Variants in CYLD observed in about 807,000 individuals in gnomAD.
The protein encoded by CYLD is ubiquitin carboxyl-terminal hydrolase CYLD.
In CYLD, 26 loss-of-function variants were observed where a neutral mutation model predicts 104.5. That is an observed-to-expected ratio of 0.25 (90% CI 0.18 to 0.35). The LOEUF is 0.35. Ranked by LOEUF, CYLD falls within the 10% of genes least tolerant of loss-of-function variation. CYLD has a pLI of 1.00. For synonymous variants in CYLD, 385 were observed against 399.9 expected, an observed-to-expected ratio of 0.96 and a Z score of 0.45; for missense variants, 703 against 1,136.1, an observed-to-expected ratio of 0.62 and a Z score of 5.48.
rs752294416 is a variant in CYLD, at chr16:50,751,642, C to T, written c.543C>T (p.Tyr181=). ...GRGQGFTDGV[Y]QGKQLFQCDE... ...GTCAAGGTTTCACTGACGGGGTGTA[C>T]CAAGGGAAACAGCTTTTTCAGTGTG... Residue 181 remains tyrosine, a synonymous_variant, in exon 4 of 19, where the codon TAC becomes TAT. Coordinates refer to ENST00000427738, the MANE Select transcript of CYLD (RefSeq NM_001378743.1). The T allele has an allele frequency of 3.0e-5, 49 of 1,613,492 alleles. No individual in the cohort carries two copies. The highest frequency in any genetic ancestry group is 4.1e-5 in the Non-Finnish European group (48 of 1,179,710).
chr16:50,775,068 A>G, intron 5 of CYLD, 98 bp from the exon 6 acceptor site: 1 of 981,932 alleles, frequency 1.0e-6, no homozygotes, highest in Non-Finnish European at 1.5e-6. Flanking sequence ...TTTTTTAAGA[A>G]AAGTCTTTTC....
chr16:50,761,763 T>TATCTATCTATCTATCTATCTATC (rs1247444102), intron 5 of CYLD, among the ~76,000 whole-genome samples: 2 of 152,138 alleles, frequency 1.3e-5, no homozygotes, highest in African/African-American at 4.8e-5. Context: ...TCTATCTATC[T>TATCTATCTATCTATCTATCTATC]ATCTATCTAT....
At chr16:50,795,792 A>T in intron 18 of CYLD, 1 of 565,986 alleles carries the variant, frequency 1.8e-6, no homozygotes, top group South Asian at 2.2e-5. Context: ...CACTGAGGTA[A>T]CCCAGAGGAG....
At chr16:50,761,509 T>C (rs1967920658) in intron 5 of CYLD, among the ~76,000 whole-genome samples, 1 of 152,236 alleles carries the variant, frequency 6.6e-6, no homozygotes, top group African/African-American at 2.4e-5. Flanking sequence ...CTTATGACTT[T>C]GCTTACTCTG....
At chr16:50,756,343 A>G (rs1381511549) in intron 5 of CYLD, among the ~76,000 whole-genome samples, 1 of 152,228 alleles carries the variant, frequency 6.6e-6, no homozygotes, top group Non-Finnish European at 1.5e-5. Flanking sequence ...GACATTGGTC[A>G]TCTAATCTAA....
At chr16:50,760,853 G>A (rs1479122709) in intron 5 of CYLD, among the ~76,000 whole-genome samples, 1 of 152,054 alleles carries the variant, frequency 6.6e-6, no homozygotes, top group Non-Finnish European at 1.5e-5. Flanking sequence ...CGTTGGTATT[G>A]TTCTGGATAT....
chr16:50,773,084 A>G (rs981515188), intron 5 of CYLD, among the ~76,000 whole-genome samples: 4 of 152,208 alleles, frequency 2.6e-5, no homozygotes. Flanking sequence ...TATTTTCTTC[A>G]CAAGATTTCT....
chr16:50,748,965 G>A (rs2041660166), intron 2 of CYLD, among the ~76,000 whole-genome samples: 2 of 152,224 alleles, frequency 1.3e-5, no homozygotes, highest in South Asian at 4.1e-4. Context: ...GCGTTGGGAG[G>A]CCAAGACAGG....
Position 50,784,471 on chromosome 16 carries a change from C to G in CYLD, c.1949+20C>G, listed in dbSNP as rs746746531. On this transcript the variant is annotated intron_variant, in intron 12 of 18. Coordinates refer to ENST00000427738, the MANE Select transcript of CYLD (RefSeq NM_001378743.1). Reference sequence around the variant, plus strand: ...GAGAATGTAAGTAGAAAACAAATTGCTATTTTGCCTTTACATGGTGTTCTA... The same window carrying G: ...GAGAATGTAAGTAGAAAACAAATTGGTATTTTGCCTTTACATGGTGTTCTA... The G allele has an allele frequency of 6.2e-7, 1 of 1,610,282 alleles. No individual in the cohort carries two copies. Among genetic ancestry groups the G allele is most frequent in the South Asian group, 1.1e-5 (1 of 91,018 alleles).
chr16:50,752,023 G>C (rs1966676546), intron 4 of CYLD, 117 bp downstream of exon 4: 4 of 286,476 alleles, frequency 1.4e-5, no homozygotes, highest in Admixed American at 5.6e-5. Context: ...TATATGTATA[G>C]TTTATATATA....
chr16:50,758,996 T>C (rs767575394), intron 5 of CYLD, among the ~76,000 whole-genome samples: 13 of 152,260 alleles, frequency 8.5e-5, no homozygotes, highest in Admixed American at 4.6e-4. Flanking sequence ...CTCAGCACTT[T>C]AGGAAGCCGA....
In CYLD at chr16:50,800,655, A is replaced by G; in HGVS notation, c.*4147A>G. 4.3e-6 allele frequency: 1 copy of G among 232,756 alleles called. No homozygotes were observed. Among genetic ancestry groups the G allele is most frequent in the Non-Finnish European group, 8.5e-6 (1 of 117,712 alleles). The allele number at this position is 232,756 out of a possible 1,614,324, so 14.4% of individuals were successfully genotyped here. A position where few individuals can be genotyped will look rare whatever the true frequency, so the allele number is the denominator to read the frequency against. On this transcript the variant is annotated 3_prime_UTR_variant, in exon 19 of 19. Coordinates refer to ENST00000427738, the MANE Select transcript of CYLD (RefSeq NM_001378743.1). ...AAAATTCTAAGGCAAAGTTAAAGAA[A>G]AAAATTACATTATTTCTTACCATTT...
At chr16:50,752,691 C>T (rs543377707) in intron 4 of CYLD, among the ~76,000 whole-genome samples, 6 of 152,174 alleles carry the variant, frequency 3.9e-5, no homozygotes, top group Non-Finnish European at 7.4e-5. Flanking sequence ...CCAACCTCTG[C>T]TAACCACAAT....
chr16:50,793,737 C>A, intron 17 of CYLD, 73 bp downstream of exon 17: 2 of 1,019,748 alleles, frequency 2.0e-6, no homozygotes, highest in South Asian at 2.6e-5. Context: ...ACACAATGCT[C>A]GTTTTGGAAA....
At chr16:50,789,204 A>G (rs1189808819) in intron 14 of CYLD, among the ~76,000 whole-genome samples, 1 of 152,230 alleles carries the variant, frequency 6.6e-6, no homozygotes, top group African/African-American at 2.4e-5. Flanking sequence ...AATTAACTGT[A>G]TGTAGAATTT....
At chr16:50,775,931 G>A (rs192895858) in intron 6 of CYLD, among the ~76,000 whole-genome samples, 126 of 152,252 alleles carry the variant, frequency 8.3e-4, no homozygotes, top group African/African-American at 2.9e-3. Flanking sequence ...AGAGGTTAAA[G>A]CATTTAGCTG....
At chr16:50,787,741 A>T (rs779945091) in intron 13 of CYLD, 45 bp from the exon 14 acceptor site, 3 of 1,068,834 alleles carry the variant, frequency 2.8e-6, no homozygotes, top group African/African-American at 3.2e-5. Flanking sequence ...AAAATGATTT[A>T]AAAATTTTGC....
intron 2 of CYLD, among the ~76,000 whole-genome samples, chr16:50,746,177 A>G (rs1021055470): frequency 6.6e-6 from 1 of 152,204 alleles, no homozygotes; most frequent in African/African-American, 2.4e-5. Context: ...AGCTGGGACT[A>G]CAGGCACATG....
chr16:50,789,868 A>G (rs1353075622), intron 14 of CYLD, among the ~76,000 whole-genome samples: 2 of 152,198 alleles, frequency 1.3e-5, no homozygotes, highest in Non-Finnish European at 2.9e-5. Context: ...CAAAGACAGA[A>G]TCTCCAGAAA....
Sources: gnomAD v4.1 joint callset for allele counts (sites outside exome capture counted in the v4.1 genomes callset) on GRCh38, gnomAD v4.1.1 for gene constraint, MANE v1.5 for transcripts, NCBI Gene and HGNC (gene_info 2026-07-23, HGNC 2026-07-21) for gene names.